FRMPD4: variants seen among roughly 807,000 people sequenced by gnomAD.
FRMPD4 encodes the protein FERM and PDZ domain-containing protein 4.
A neutral mutation model predicts 94.1 loss-of-function variants in FRMPD4; 22 were observed. The observed-to-expected ratio is 0.23, with a 90% CI of 0.17 to 0.33. The LOEUF (loss-of-function observed/expected upper bound fraction) is 0.33, where lower values mean the gene tolerates loss of function less well. FRMPD4 is among the 10% of genes least tolerant of loss of function. The probability of loss-of-function intolerance (pLI) is 1.00; values close to 1 mark genes in which losing one functional copy is unlikely to be tolerated. For missense variants in FRMPD4, 1,111 were observed against 1,339.9 expected (o/e 0.83, Z 2.67); for synonymous variants, 631 against 548.6 (o/e 1.15, Z -2.10).
intron 1 of FRMPD4, among the ~76,000 whole-genome samples, chrX:12,230,898 C>G (rs1182218829): frequency 1.2e-5 from 1 of 81,908 alleles, no homozygotes; most frequent in Non-Finnish European, 2.3e-5. Flanking sequence ...TATATATATA[C>G]TATATATACT....
chrX:12,164,784 T>G (rs961628191), intron 1 of FRMPD4, among the ~76,000 whole-genome samples: 1 of 112,775 alleles, frequency 8.9e-6, no homozygotes, highest in Non-Finnish European at 1.9e-5. Flanking sequence ...TTGATTTGCA[T>G]TTCTCTGATG....
intron 2 of FRMPD4, among the ~76,000 whole-genome samples, chrX:12,520,246 A>G (rs1305211202): frequency 8.9e-6 from 1 of 112,072 alleles, no homozygotes; most frequent in Admixed American, 9.4e-5. Flanking sequence ...AACCTTGATG[A>G]CATTATGCTA....
intron 1 of FRMPD4, among the ~76,000 whole-genome samples, chrX:12,242,893 T>A (rs1434466896): frequency 1.8e-5 from 2 of 112,087 alleles, no homozygotes; most frequent in Non-Finnish European, 3.8e-5. Flanking sequence ...CATGCCACCA[T>A]GCCCAGCTAA....
chrX:12,110,413 C>T (rs942452158), intron 3 of FRMPD4, among the ~76,000 whole-genome samples: 6 of 111,798 alleles, frequency 5.4e-5, no homozygotes, highest in Admixed American at 3.8e-4. Context: ...ATTTCTGGGA[C>T]GTATCTCAAA....
At chrX:11,888,443 A>C (rs943569154) in intron 3 of FRMPD4, among the ~76,000 whole-genome samples, 1 of 112,505 alleles carries the variant, frequency 8.9e-6, no homozygotes, top group African/African-American at 3.2e-5. Context: ...CATAGCAAAA[A>C]TAATTTTAAA....
intron 1 of FRMPD4, among the ~76,000 whole-genome samples, chrX:12,200,447 A>G (rs145264310): frequency 0.02 from 2,192 of 111,592 alleles, 28 homozygotes; most frequent in Non-Finnish European, 0.027. Context: ...AATCTGTATT[A>G]ATCATCATGG....
At chrX:12,264,448 T>G (rs946639772) in intron 1 of FRMPD4, among the ~76,000 whole-genome samples, 2 of 112,059 alleles carry the variant, frequency 1.8e-5, no homozygotes, top group Non-Finnish European at 3.8e-5. Flanking sequence ...TTCACTTTTT[T>G]CAGTTCATTG....
rs947778415 is a variant in FRMPD4, at chrX:11,852,967, TGTG to T, written c.-160-12116_-160-12114del. On this transcript the variant is annotated intron_variant, in intron 1 of 18. Transcript: ENST00000640291. The stretch of plus-strand genomic sequence containing the variant: ...AGAATATACATTCTCTTCATCGCCT[TGTG>T]GTACTTATTCTAAAATTGATCACAT... Among the ~76,000 whole-genome samples, 16 of 112,341 alleles carry T rather than the reference TGTG, an allele frequency of 1.4e-4. No individual in the cohort carries two copies. In the Admixed American group the frequency reaches 1.5e-3, roughly 11 times the overall value.
At chrX:11,878,262 G>A (rs903806586) in intron 3 of FRMPD4, among the ~76,000 whole-genome samples, 4 of 112,185 alleles carry the variant, frequency 3.6e-5, no homozygotes, top group Admixed American at 9.4e-5. Flanking sequence ...GGACAAAGCC[G>A]TATACTACTT....
intron 1 of FRMPD4, among the ~76,000 whole-genome samples, chrX:12,336,407 T>G (rs774184072): frequency 7.1e-5 from 8 of 111,908 alleles, no homozygotes; most frequent in Non-Finnish European, 1.5e-4. Context: ...TCTCTTTGGG[T>G]CACTCCTCAA....
intron 3 of FRMPD4, among the ~76,000 whole-genome samples, chrX:11,891,157 C>G (rs949955913): frequency 3.6e-5 from 4 of 112,497 alleles, no homozygotes; most frequent in Non-Finnish European, 7.5e-5. Context: ...ACAGAGAGCA[C>G]TGTTTGGGTT....
chrX:12,560,809 G>A (rs1345013264), intron 2 of FRMPD4, among the ~76,000 whole-genome samples: 1 of 75,814 alleles, frequency 1.3e-5, no homozygotes, highest in Non-Finnish European at 2.4e-5. Flanking sequence ...TCGCTCTGTC[G>A]CCCAGGCTGG....
intron 4 of FRMPD4, among the ~76,000 whole-genome samples, chrX:12,652,106 C>T (rs1313100497): frequency 8.9e-6 from 1 of 112,606 alleles, no homozygotes; most frequent in Admixed American, 9.4e-5. Context: ...TTCTTAATTG[C>T]CCCAGCAATC....
At chrX:12,001,192 C>T (rs1164841753) in intron 3 of FRMPD4, among the ~76,000 whole-genome samples, 6 of 111,737 alleles carry the variant, frequency 5.4e-5, no homozygotes, top group Non-Finnish European at 9.4e-5. Flanking sequence ...ATACACCCCA[C>T]TCCCTGGCAT....
At chrX:11,982,716 T>C (rs1333522838) in intron 3 of FRMPD4, among the ~76,000 whole-genome samples, 2 of 112,195 alleles carry the variant, frequency 1.8e-5, no homozygotes, top group Non-Finnish European at 3.8e-5. Context: ...AAAAAATCTA[T>C]TAAAATTTTA....
At chrX:12,005,242 C>T (rs1490900254) in intron 3 of FRMPD4, among the ~76,000 whole-genome samples, 1 of 108,322 alleles carries the variant, frequency 9.2e-6, no homozygotes, top group Admixed American at 1.0e-4. Flanking sequence ...GGACCCCACT[C>T]CCACAGGTTC....
At chrX:12,099,680 C>T (rs373973016) in intron 3 of FRMPD4, among the ~76,000 whole-genome samples, 15 of 112,173 alleles carry the variant, frequency 1.3e-4, no homozygotes, top group African/African-American at 4.5e-4. Flanking sequence ...CACTGTATTA[C>T]GGAACAACTG....
intron 2 of FRMPD4, among the ~76,000 whole-genome samples, chrX:12,545,228 T>A (rs1429230795): frequency 2.1e-5 from 2 of 94,014 alleles, no homozygotes; most frequent in Non-Finnish European, 2.1e-5. Flanking sequence ...CAACACAAAT[T>A]TGTAAACATT....
intron 4 of FRMPD4, among the ~76,000 whole-genome samples, chrX:12,662,649 C>T (rs1312623091): frequency 8.9e-6 from 1 of 112,177 alleles, no homozygotes; most frequent in Non-Finnish European, 1.9e-5. Flanking sequence ...GTGAACAGTG[C>T]CGCAATAAAC....
Sources: allele counts gnomAD v4.1 joint callset (sites outside exome capture counted in the v4.1 genomes callset), GRCh38; gene constraint gnomAD v4.1.1; transcripts MANE v1.5; gene names NCBI Gene and HGNC (gene_info 2026-07-23, HGNC 2026-07-21).